Variants in LSAMP observed in about 807,000 individuals in gnomAD.
LSAMP encodes the protein limbic system-associated membrane protein.
A neutral mutation model predicts 38.6 loss-of-function variants in LSAMP; 7 were observed. The observed-to-expected ratio is 0.18, with a 90% CI of 0.10 to 0.34. The LOEUF (loss-of-function observed/expected upper bound fraction) is 0.34. LSAMP is among the 10% of genes least tolerant of loss of function. The pLI is 1.00. For missense variants in LSAMP, 313 were observed against 420.0 expected (o/e 0.75, Z 2.23); for synonymous variants, 154 against 166.8 (o/e 0.92, Z 0.59).
chr3:116,336,036 G>A (rs1467535942), intron 1 of LSAMP, among the ~76,000 whole-genome samples: 1 of 151,982 alleles, frequency 6.6e-6, no homozygotes, highest in Non-Finnish European at 1.5e-5. Context: ...TCAACAAATG[G>A]TGCTAAGAAA....
chr3:115,941,586 TACAC>T (rs1435449152), intron 3 of LSAMP, among the ~76,000 whole-genome samples: 1 of 151,766 alleles, frequency 6.6e-6, no homozygotes, highest in African/African-American at 2.4e-5. Flanking sequence ...CACACACAGA[TACAC>T]ACACACAATA....
At chr3:116,153,236 G>GC (rs1480165367) in intron 1 of LSAMP, among the ~76,000 whole-genome samples, 5 of 152,018 alleles carry the variant, frequency 3.3e-5, no homozygotes, top group African/African-American at 7.2e-5. Context: ...TAAAGTTGGA[G>GC]CCCCCCTATT....
chr3:116,041,422 C>A (rs992058036), intron 2 of LSAMP, among the ~76,000 whole-genome samples: 1 of 151,942 alleles, frequency 6.6e-6, no homozygotes, highest in Non-Finnish European at 1.5e-5. Context: ...TCATCTCTCC[C>A]CTTTTATAGA....
intron 1 of LSAMP, among the ~76,000 whole-genome samples, chr3:116,352,424 G>T (rs2048155065): frequency 6.6e-6 from 1 of 152,092 alleles, no homozygotes; most frequent in South Asian, 2.1e-4. Context: ...AAGAGAAACT[G>T]AAGGCAGCAA....
At chr3:115,859,136 T>G (rs953332422) in intron 3 of LSAMP, among the ~76,000 whole-genome samples, 1 of 152,200 alleles carries the variant, frequency 6.6e-6, no homozygotes, top group Non-Finnish European at 1.5e-5. Context: ...CGCTTCACAT[T>G]CCACCTGAGA....
intron 1 of LSAMP, among the ~76,000 whole-genome samples, chr3:116,157,545 A>C (rs188832273): frequency 2.5e-3 from 372 of 151,086 alleles, no homozygotes; most frequent in African/African-American, 8.1e-3. Flanking sequence ...AATATATTTC[A>C]AAAAAAATAG....
At chr3:116,222,297 CT>C (rs139131492) in intron 1 of LSAMP, among the ~76,000 whole-genome samples, 6 of 148,468 alleles carry the variant, frequency 4.0e-5, no homozygotes, top group African/African-American at 5.0e-5. Flanking sequence ...CAATTAGATA[CT>C]TTTTTTTTAA....
Position 116,306,819 on chromosome 3 carries a change from C to A in LSAMP, c.155+138058G>T, listed in dbSNP as rs1241809256. Among the ~76,000 whole-genome samples the A allele has an allele frequency of 7.2e-5, 11 of 152,070 alleles. No individual in the cohort carries two copies. The East Asian group carries it at 2.1e-3, about 29-fold the overall frequency. On this transcript the variant is annotated intron_variant, in intron 1 of 6. Transcript: ENST00000490035. Reference sequence around the variant, plus strand: ...ATGTCCCAGCAATAAAGGGGTATAACTATAAAAATATATGTCATATCAGCA... The same window carrying A: ...ATGTCCCAGCAATAAAGGGGTATAAATATAAAAATATATGTCATATCAGCA...
chr3:116,229,443 A>AT (rs1317555737), intron 1 of LSAMP, among the ~76,000 whole-genome samples: 3 of 152,130 alleles, frequency 2.0e-5, no homozygotes, highest in African/African-American at 7.2e-5. Flanking sequence ...AATTGCCAAC[A>AT]TACAAAGCAC....
intron 1 of LSAMP, among the ~76,000 whole-genome samples, chr3:116,117,845 G>A (rs1197660910): frequency 2.0e-5 from 3 of 152,148 alleles, no homozygotes; most frequent in African/African-American, 2.4e-5. Context: ...TATTGACTCT[G>A]ACCTGGATGA....
At chr3:115,934,975 T>G (rs924401385) in intron 3 of LSAMP, among the ~76,000 whole-genome samples, 1 of 151,750 alleles carries the variant, frequency 6.6e-6, no homozygotes, top group Admixed American at 6.6e-5. Context: ...AGTTTCAAAA[T>G]TGAGTACTAA....
At chr3:115,862,002 C>T (rs916116598) in intron 3 of LSAMP, among the ~76,000 whole-genome samples, 3 of 152,146 alleles carry the variant, frequency 2.0e-5, no homozygotes, top group African/African-American at 7.2e-5. Context: ...GAAAAAGCCC[C>T]ATATACTTAA....
chr3:116,041,036 G>A (rs9878559), intron 2 of LSAMP, among the ~76,000 whole-genome samples: 25,774 of 152,164 alleles, frequency 0.17, 2,326 homozygotes, highest in African/African-American at 0.22. Context: ...TGAGCATCCC[G>A]CCTCAGCTTC....
At chr3:116,018,282 G>A (rs1313559013) in intron 3 of LSAMP, among the ~76,000 whole-genome samples, 2 of 152,054 alleles carry the variant, frequency 1.3e-5, no homozygotes, top group Admixed American at 1.3e-4. Flanking sequence ...AATTTTACTT[G>A]AGAAATTAAT....
intron 1 of LSAMP, among the ~76,000 whole-genome samples, chr3:116,250,942 C>T (rs2046673449): frequency 6.6e-6 from 1 of 152,058 alleles, no homozygotes; most frequent in Non-Finnish European, 1.5e-5. Flanking sequence ...ATTGCTGTCC[C>T]TGTGTGTACA....
chr3:115,883,173 A>G (rs1421593494), intron 3 of LSAMP, among the ~76,000 whole-genome samples: 2 of 152,064 alleles, frequency 1.3e-5, no homozygotes, highest in African/African-American at 2.4e-5. Context: ...TGGTAACAAG[A>G]AGGCAACGGG....
intron 1 of LSAMP, among the ~76,000 whole-genome samples, chr3:116,286,734 C>T (rs1349722221): frequency 6.6e-6 from 1 of 152,128 alleles, no homozygotes; most frequent in Non-Finnish European, 1.5e-5. Flanking sequence ...CACAAATCAT[C>T]TGTACCATGC....
At chr3:115,933,101 G>T (rs779215922) in intron 3 of LSAMP, among the ~76,000 whole-genome samples, 1 of 152,166 alleles carries the variant, frequency 6.6e-6, no homozygotes, top group Non-Finnish European at 1.5e-5. Context: ...TAGACCTCGC[G>T]AAAGGGAGTG....
chr3:116,344,100 T>TA (rs141907017), intron 1 of LSAMP, among the ~76,000 whole-genome samples: 3 of 152,094 alleles, frequency 2.0e-5, no homozygotes, highest in African/African-American at 7.2e-5. Context: ...AATAAAAACT[T>TA]ACCTGGCTCC....
Sources: gnomAD v4.1 joint callset for allele counts (sites outside exome capture counted in the v4.1 genomes callset) on GRCh38, gnomAD v4.1.1 for gene constraint, MANE v1.5 for transcripts, NCBI Gene and HGNC (gene_info 2026-07-23, HGNC 2026-07-21) for gene names.